The following CYP26B1 variants were observed in gnomAD, a reference collection of about 807,000 sequenced individuals.
CYP26B1 encodes cytochrome P450 26B1.
CYP26B1 carries 8 observed loss-of-function variants against 39.1 expected under a neutral mutation model. That is an observed-to-expected ratio of 0.20 (90% CI 0.12 to 0.37). The LOEUF (loss-of-function observed/expected upper bound fraction) is 0.37, where lower values mean the gene tolerates loss of function less well. CYP26B1 is among the 10% of genes least tolerant of loss of function. CYP26B1 has a pLI of 1.00. For missense variants in CYP26B1, 615 were observed against 707.0 expected (o/e 0.87, Z 1.48); for synonymous variants, 321 against 314.3 (o/e 1.02, Z -0.23).
intron 2 of CYP26B1, among the ~76,000 whole-genome samples, chr2:72,135,710 C>T (rs1676752898): frequency 6.6e-6 from 1 of 152,144 alleles, no homozygotes; most frequent in Non-Finnish European, 1.5e-5. Context: ...AAGTGGAGCA[C>T]AGTCGTTGGA....
chr2:72,134,540 G>A (rs1319645735), intron 4 of CYP26B1, among the ~76,000 whole-genome samples: 1 of 152,138 alleles, frequency 6.6e-6, no homozygotes, highest in Non-Finnish European at 1.5e-5. Flanking sequence ...CTCCCTGCAG[G>A]CCATGGGGAG....
chr2:72,144,490 C>T (rs1022867319), intron 1 of CYP26B1: 1 of 1,226,440 alleles, frequency 8.2e-7, no homozygotes, highest in Admixed American at 4.0e-5. Context: ...AGAGGTATCC[C>T]GGACAGCTGG....
intron 2 of CYP26B1, among the ~76,000 whole-genome samples, chr2:72,138,478 C>A (rs1464452926): frequency 6.6e-6 from 1 of 152,198 alleles, no homozygotes; most frequent in African/African-American, 2.4e-5. Flanking sequence ...GGTTCCTGGC[C>A]CGGAGCTACT....
chr2:72,143,341 G>A (rs1224617062), intron 2 of CYP26B1, among the ~76,000 whole-genome samples: 1 of 150,838 alleles, frequency 6.6e-6, no homozygotes, highest in Non-Finnish European at 1.5e-5. Flanking sequence ...GGAAATCCAA[G>A]GGATAAACAC....
rs187119740 is a variant in CYP26B1, at chr2:72,146,051, G to A, written c.204+1580C>T. Among the ~76,000 whole-genome samples, 401 of 152,272 alleles carry A rather than the reference G, an allele frequency of 2.6e-3. 2 individuals are homozygous for A. In the Middle Eastern group the frequency reaches 0.031, roughly 12 times the overall value. ...TCCTCACCTCCAGATCTAGGGCCCCGGGTTGGAGGGATGGGGAGGCTTAGG... is the reference window on the plus strand; with the variant it reads ...TCCTCACCTCCAGATCTAGGGCCCCAGGTTGGAGGGATGGGGAGGCTTAGG... On this transcript the variant is annotated intron_variant, in intron 1 of 5. Coordinates refer to ENST00000001146, the MANE Select transcript of CYP26B1 (RefSeq NM_019885.4).
intron 1 of CYP26B1, among the ~76,000 whole-genome samples, chr2:72,146,008 A>C (rs1202220775): frequency 1.3e-5 from 2 of 152,110 alleles, no homozygotes; most frequent in Admixed American, 1.3e-4. Context: ...GCTCCTGTAC[A>C]CGTACCCCCT....
chr2:72,140,105 C>G (rs1676898724), intron 2 of CYP26B1, among the ~76,000 whole-genome samples: 1 of 152,224 alleles, frequency 6.6e-6, no homozygotes, highest in South Asian at 2.1e-4. Context: ...AGGCCACCTT[C>G]ATCTTCCAAG....
At chr2:72,142,118 G>A (rs1368115698) in intron 2 of CYP26B1, among the ~76,000 whole-genome samples, 2 of 148,350 alleles carry the variant, frequency 1.3e-5, no homozygotes, top group African/African-American at 5.0e-5. Context: ...TTCCTGAGGC[G>A]GGTCATCTGC....
intron 2 of CYP26B1, 30 bp from the exon 3 acceptor site, chr2:72,135,449 C>T (rs189825654): frequency 1.8e-4 from 295 of 1,603,038 alleles, no homozygotes; most frequent in Middle Eastern, 1.7e-4. Flanking sequence ...GTGGGTGAGC[C>T]GATTGGCACA....
chr2:72,144,567 C>A, intron 1 of CYP26B1: 1 of 900,630 alleles, frequency 1.1e-6, no homozygotes, highest in Non-Finnish European at 1.3e-6. Flanking sequence ...GGGAGCCTCT[C>A]GGAATAAATA....
intron 4 of CYP26B1, among the ~76,000 whole-genome samples, chr2:72,133,602 T>C (rs759543818): frequency 1.2e-4 from 18 of 152,210 alleles, no homozygotes; most frequent in Non-Finnish European, 1.8e-4. Flanking sequence ...GCTGGGTTCC[T>C]GGGCCAGCCC....
chr2:72,144,056 G>C lies in CYP26B1; in HGVS notation c.362C>G (p.Thr121Ser). ...HLVSTEWPRSTRMLLGPNTVS... is the reference protein window; with the variant it reads ...HLVSTEWPRSSRMLLGPNTVS... Reference sequence around the variant, plus strand: ...CGTGTTGGGGCCCAGCAACATGCGGGTGCTGCGAGGCCACTCGGTGCTCAC... The same window carrying C: ...CGTGTTGGGGCCCAGCAACATGCGGCTGCTGCGAGGCCACTCGGTGCTCAC... Residue 121 changes from threonine to serine, a missense_variant, in exon 2 of 6, where the codon ACC becomes AGC. Physicochemically the swap from Thr to Ser is moderately conservative, Grantham distance 58. Transcript: ENST00000001146. 1 of 1,613,824 alleles carries C rather than the reference G, an allele frequency of 6.2e-7. No homozygotes were observed. The highest frequency in any genetic ancestry group is 8.5e-7 in the Non-Finnish European group (1 of 1,179,984).
intron 2 of CYP26B1, among the ~76,000 whole-genome samples, chr2:72,137,055 A>G (rs1469244699): frequency 6.6e-6 from 1 of 152,190 alleles, no homozygotes; most frequent in African/African-American, 2.4e-5. Flanking sequence ...AGGGAGGGCC[A>G]GAAAGGTCAT....
At chr2:72,139,891 G>C (rs865780840) in intron 2 of CYP26B1, among the ~76,000 whole-genome samples, 3 of 152,258 alleles carry the variant, frequency 2.0e-5, no homozygotes, top group Middle Eastern at 6.8e-3. Flanking sequence ...TTTATCAAAG[G>C]GTCCTGAAGG....
chr2:72,138,532 C>T (rs1483873760), intron 2 of CYP26B1, among the ~76,000 whole-genome samples: 1 of 152,218 alleles, frequency 6.6e-6, no homozygotes, highest in Non-Finnish European at 1.5e-5. Flanking sequence ...GCTTTGTTTC[C>T]TTCTGGGGCT....
intron 2 of CYP26B1, among the ~76,000 whole-genome samples, chr2:72,136,530 G>C (rs550552462): frequency 6.6e-6 from 1 of 152,330 alleles, no homozygotes; most frequent in South Asian, 2.1e-4. Flanking sequence ...CTTTCATTCC[G>C]AAATTCCCGG....
At position 72,132,195 on chromosome 2, in the gene CYP26B1, C is replaced by CCTGGG; in HGVS notation, c.*27_*31dup. 2 of 1,587,254 alleles carry CCTGGG rather than the reference C, an allele frequency of 1.3e-6. No individual in the cohort carries two copies. The highest frequency in any genetic ancestry group is 1.7e-6 in the Non-Finnish European group (2 of 1,167,846). On this transcript the variant is annotated 3_prime_UTR_variant, in exon 6 of 6. Coordinates refer to ENST00000001146, the MANE Select transcript of CYP26B1 (RefSeq NM_019885.4). ...ACCTCCCACAACCACCACCCCGCTGCCTGGGCTGGGCTGAGGCGGGTGGGT... is the reference window on the plus strand; with the variant it reads ...ACCTCCCACAACCACCACCCCGCTGCCTGGGCTGGGCTGGGCTGAGGCGGGTGGGT...
intron 1 of CYP26B1, among the ~76,000 whole-genome samples, chr2:72,146,162 A>G (rs1047218239): frequency 1.3e-5 from 2 of 151,884 alleles, no homozygotes; most frequent in African/African-American, 4.8e-5. Context: ...TGGGGACCTG[A>G]GGGGGGGCAG....
Position 72,132,356 on chromosome 2 carries a change from G to C in CYP26B1, c.1410C>G (p.Thr470=). 6.2e-7 allele frequency: 1 copy of C among 1,611,334 alleles called. No individual in the cohort carries two copies. The highest frequency in any genetic ancestry group is 8.5e-7 in the Non-Finnish European group (1 of 1,178,206). Residue 470 remains threonine, a synonymous_variant, in exon 6 of 6, where the codon ACC becomes ACG. Coordinates refer to ENST00000001146, the MANE Select transcript of CYP26B1 (RefSeq NM_019885.4). The stretch of plus-strand genomic sequence containing the variant: ...CGGGGACCAAGGTGATGCGGGGGAA[G>C]GTCCGTGTGGCCAGCTCAAAGCGGC... ...STSRFELATR[T]FPRITLVPVL...
Sources: allele counts gnomAD v4.1 joint callset (sites outside exome capture counted in the v4.1 genomes callset), GRCh38; gene constraint gnomAD v4.1.1; transcripts MANE v1.5; gene names NCBI Gene and HGNC (gene_info 2026-07-23, HGNC 2026-07-21).